The following MLLT3 variants were observed in gnomAD, a reference collection of about 807,000 sequenced individuals.
MLLT3 encodes the protein MLLT3 super elongation complex subunit.
MLLT3 carries 4 observed loss-of-function variants against 53.2 expected under a neutral mutation model. That is an observed-to-expected ratio of 0.08 (90% CI 0.04 to 0.17). MLLT3 has a LOEUF of 0.17. MLLT3 is among the 10% of genes least tolerant of loss of function. The pLI is 1.00. For missense variants in MLLT3, 569 were observed against 684.0 expected, an observed-to-expected ratio of 0.83 and a Z score of 1.87; for synonymous variants, 283 against 230.6, an observed-to-expected ratio of 1.23 and a Z score of -2.06.
intron 5 of MLLT3, among the ~76,000 whole-genome samples, chr9:20,412,179 C>A (rs992076254): frequency 6.6e-6 from 1 of 152,062 alleles, no homozygotes; most frequent in Non-Finnish European, 1.5e-5. Context: ...CACAACCCAA[C>A]AGCATTTCAG....
At chr9:20,587,595 G>C (rs1157654507) in intron 2 of MLLT3, among the ~76,000 whole-genome samples, 1 of 152,132 alleles carries the variant, frequency 6.6e-6, no homozygotes, top group Non-Finnish European at 1.5e-5. Flanking sequence ...TTCAAATACA[G>C]AGAAATCCTT....
At chr9:20,490,430 C>G (rs1824919401) in intron 2 of MLLT3, among the ~76,000 whole-genome samples, 2 of 152,206 alleles carry the variant, frequency 1.3e-5, no homozygotes, top group South Asian at 4.1e-4. Context: ...GTTAAGGGCC[C>G]ACATTCAAGG....
At chr9:20,476,699 CT>C (rs1208515005) in intron 2 of MLLT3, among the ~76,000 whole-genome samples, 6 of 152,140 alleles carry the variant, frequency 3.9e-5, no homozygotes, top group Admixed American at 1.3e-4. Flanking sequence ...AAATGAAAAA[CT>C]TTTTACATTT....
chr9:20,484,894 A>G (rs1370080102), intron 2 of MLLT3, among the ~76,000 whole-genome samples: 2 of 152,242 alleles, frequency 1.3e-5, no homozygotes, highest in African/African-American at 4.8e-5. Context: ...TATTTTCAAA[A>G]GATAAGGAGT....
intron 2 of MLLT3, among the ~76,000 whole-genome samples, chr9:20,501,513 A>C (rs952533977): frequency 3.3e-5 from 5 of 152,118 alleles, no homozygotes; most frequent in African/African-American, 1.2e-4. Context: ...GCATTTTGGG[A>C]GGTCGAGGCG....
At chr9:20,471,988 T>C (rs1824405729) in intron 2 of MLLT3, among the ~76,000 whole-genome samples, 1 of 152,072 alleles carries the variant, frequency 6.6e-6, no homozygotes, top group South Asian at 2.1e-4. Context: ...ACTGTTAAAC[T>C]GTTAAGGTGA....
chr9:20,510,478 G>A lies in MLLT3; in HGVS notation c.194-53692C>T, dbSNP rs552733756. 2.6e-5 allele frequency among the ~76,000 whole-genome samples: 4 copies of A among 152,118 alleles called. No individual in the cohort carries two copies. The South Asian group carries it at 8.3e-4, about 32-fold the overall frequency. On this transcript the variant is annotated intron_variant, in intron 2 of 10. Transcript: ENST00000380338. ...ATACACAAAATTAGCCAGGTGTGGT[G>A]GAGTGCACCTCTAATCCCAGCTACT...
intron 2 of MLLT3, among the ~76,000 whole-genome samples, chr9:20,590,998 C>G (rs894717482): frequency 3.3e-5 from 5 of 152,052 alleles, no homozygotes; most frequent in Admixed American, 1.3e-4. Context: ...AATCCTTCCA[C>G]GTCAACCTCC....
intron 2 of MLLT3, among the ~76,000 whole-genome samples, chr9:20,484,714 T>C (rs533769875): frequency 6.6e-6 from 1 of 152,212 alleles, no homozygotes; most frequent in South Asian, 2.1e-4. Flanking sequence ...ACCTGTAAAG[T>C]CTGTAAAAAG....
At chr9:20,619,242 T>G (rs1342439424) in intron 2 of MLLT3, among the ~76,000 whole-genome samples, 1 of 152,246 alleles carries the variant, frequency 6.6e-6, no homozygotes, top group African/African-American at 2.4e-5. Flanking sequence ...CATGCATATT[T>G]CTAGCCCTCT....
At chr9:20,574,706 GGGTGGTGGGTGATGAAGGTTAA>G (rs1210797024) in intron 2 of MLLT3, among the ~76,000 whole-genome samples, 2 of 152,136 alleles carry the variant, frequency 1.3e-5, no homozygotes, top group African/African-American at 4.8e-5. Context: ...TGACTAATCA[GGGTGGTGGGTGATGAAGGTTAA>G]GGTGGCTGTG....
At chr9:20,413,426 C>T (rs918064584) in intron 5 of MLLT3, among the ~76,000 whole-genome samples, 3 of 152,146 alleles carry the variant, frequency 2.0e-5, no homozygotes. Flanking sequence ...AGCATAGATA[C>T]CAAGCTTTGA....
chr9:20,378,931 T>A (rs901805789), intron 5 of MLLT3, among the ~76,000 whole-genome samples: 2 of 152,038 alleles, frequency 1.3e-5, no homozygotes, highest in Non-Finnish European at 2.9e-5. Context: ...ATTAGTAATA[T>A]TAGATTTCTG....
chr9:20,603,891 G>C (rs1440311213), intron 2 of MLLT3, among the ~76,000 whole-genome samples: 1 of 152,044 alleles, frequency 6.6e-6, no homozygotes, highest in African/African-American at 2.4e-5. Context: ...TTTATCTTGA[G>C]AGTCTTGATT....
At chr9:20,619,944 C>G (rs1407114330) in intron 2 of MLLT3, among the ~76,000 whole-genome samples, 1 of 152,126 alleles carries the variant, frequency 6.6e-6, no homozygotes, top group Admixed American at 6.5e-5. Flanking sequence ...GAACAGTCTC[C>G]CTGCAGATCA....
chr9:20,374,879 T>C (rs1264972340), intron 5 of MLLT3, among the ~76,000 whole-genome samples: 4 of 152,168 alleles, frequency 2.6e-5, no homozygotes. Context: ...CCCAATACGA[T>C]AGTATTTGAA....
At chr9:20,418,689 A>G (rs779130469) in intron 4 of MLLT3, among the ~76,000 whole-genome samples, 1 of 152,088 alleles carries the variant, frequency 6.6e-6, no homozygotes, top group African/African-American at 2.4e-5. Context: ...TGATCACTAC[A>G]TGCTACAGCC....
intron 2 of MLLT3, among the ~76,000 whole-genome samples, chr9:20,466,415 C>A (rs906719349): frequency 2.0e-5 from 3 of 152,302 alleles, no homozygotes; most frequent in Middle Eastern, 3.4e-3. Context: ...AACCACTGTT[C>A]AAACGCATTT....
chr9:20,363,025 T>G (rs1821364406), intron 7 of MLLT3: 1 of 153,194 alleles, frequency 6.5e-6, no homozygotes, highest in Admixed American at 6.5e-5. Context: ...AGGAATTTAT[T>G]TTCTGGAAAA....
Sources: gnomAD v4.1 joint callset for allele counts (sites outside exome capture counted in the v4.1 genomes callset) on GRCh38, gnomAD v4.1.1 for gene constraint, MANE v1.5 for transcripts, NCBI Gene and HGNC (gene_info 2026-07-23, HGNC 2026-07-21) for gene names.